Variants in TRIM5 observed in about 807,000 individuals in gnomAD.
TRIM5 encodes tripartite motif-containing protein 5.
Under a neutral mutation model 35.6 loss-of-function variants are expected in TRIM5, and 31 were observed. The ratio of observed to expected loss-of-function variants is 0.87; its 90% CI spans 0.65 to 1.18. TRIM5 has a LOEUF of 1.18. Among genes scored for constraint, TRIM5 ranks in the 50% most tolerant of loss-of-function variants. The pLI is 0.00. For missense variants in TRIM5, 609 were observed against 591.6 expected (o/e 1.03, Z -0.31); for synonymous variants, 243 against 215.6 (o/e 1.13, Z -1.11).
rs111885420 is a variant in TRIM5, at chr11:5,674,054, G to C, written c.744+4150C>G. Among the ~76,000 whole-genome samples, 428 of 151,780 alleles carry C rather than the reference G, an allele frequency of 2.8e-3. 4 individuals carry two copies. The highest frequency in any genetic ancestry group is 0.01 in the African/African-American group (419 of 41,392). ...GATCAGAGCAGAAACGATACAGAAA[G>C]GTTAAAAAAAGATAAAATCAATGCA... is the stretch of plus-strand genomic sequence containing the variant. On this transcript the variant is annotated intron_variant, in intron 4 of 7. Coordinates refer to ENST00000380034, the MANE Select transcript of TRIM5 (RefSeq NM_033034.3).
chr11:5,657,756 C>T, the TRIM5 span, among the ~76,000 whole-genome samples: 1 of 139,868 alleles, frequency 7.1e-6, no homozygotes, highest in Non-Finnish European at 1.5e-5. Flanking sequence ...GCTGGGACTA[C>T]AGGCCTGCAC....
At chr11:5,682,536 TATAG>T (rs1278230327) in intron 1 of TRIM5, among the ~76,000 whole-genome samples, 3 of 152,160 alleles carry the variant, frequency 2.0e-5, no homozygotes, top group Non-Finnish European at 4.4e-5. Context: ...TCCCTTTATG[TATAG>T]ACAAAGTTGC....
At chr11:5,608,273 T>C in the TRIM5 span, 5 of 1,543,732 alleles carry the variant, frequency 3.2e-6, no homozygotes, top group African/African-American at 1.4e-5. Flanking sequence ...GGATTATCTT[T>C]ATTTGTATCA....
At chr11:5,601,217 C>T in the TRIM5 span, among the ~76,000 whole-genome samples, 1 of 152,176 alleles carries the variant, frequency 6.6e-6, no homozygotes, top group Non-Finnish European at 1.5e-5. Context: ...CAGCCTTTAC[C>T]ACTGACTGTC....
intron 4 of TRIM5, among the ~76,000 whole-genome samples, chr11:5,669,496 A>G (rs1483566551): frequency 6.6e-6 from 1 of 151,968 alleles, no homozygotes; most frequent in African/African-American, 2.4e-5. Flanking sequence ...GCCAGACACA[A>G]TTTTTCCACA....
At chr11:5,595,840 G>A in the TRIM5 span, among the ~76,000 whole-genome samples, 1 of 151,754 alleles carries the variant, frequency 6.6e-6, no homozygotes, top group African/African-American at 2.4e-5. Flanking sequence ...CCACAGGCGC[G>A]CCCAGCTAAT....
chr11:5,645,897 C>G, the TRIM5 span: 1 of 145,162 alleles, frequency 6.9e-6, no homozygotes, highest in African/African-American at 3.1e-5. Flanking sequence ...ATATATATAT[C>G]TATATATAGA....
chr11:5,645,908 T>TCC, the TRIM5 span: 2 of 138,150 alleles, frequency 1.4e-5, no homozygotes, highest in Non-Finnish European at 2.6e-5. Flanking sequence ...TATATATAGA[T>TCC]ATATATAGAT....
chr11:5,593,846 C>T, the TRIM5 span, among the ~76,000 whole-genome samples: 3 of 152,184 alleles, frequency 2.0e-5, no homozygotes, highest in Admixed American at 1.3e-4. Context: ...TCTGTGCCCT[C>T]TTTACCTTCA....
the TRIM5 span, among the ~76,000 whole-genome samples, chr11:5,607,879 T>G: frequency 4.1e-4 from 62 of 152,300 alleles, no homozygotes; most frequent in Middle Eastern, 3.4e-3. Flanking sequence ...AAGTACAGAT[T>G]TGAGAATCAT....
the TRIM5 span, chr11:5,596,671 C>A: frequency 1.6e-6 from 1 of 621,960 alleles, no homozygotes; most frequent in East Asian, 3.1e-5. Context: ...CCGCAAACTC[C>A]TGACCTGTGG....
the TRIM5 span, among the ~76,000 whole-genome samples, chr11:5,624,588 G>A: frequency 6.6e-6 from 1 of 152,204 alleles, no homozygotes; most frequent in Non-Finnish European, 1.5e-5. Flanking sequence ...GGCAGGGAAG[G>A]TTAAAACAGG....
At chr11:5,650,508 T>C in the TRIM5 span, among the ~76,000 whole-genome samples, 1 of 152,216 alleles carries the variant, frequency 6.6e-6, no homozygotes, top group Admixed American at 6.5e-5. Context: ...TTTTTCTTTC[T>C]TCATCAACTG....
chr11:5,595,927 C>A, the TRIM5 span, among the ~76,000 whole-genome samples: 14 of 152,198 alleles, frequency 9.2e-5, no homozygotes, highest in African/African-American at 3.1e-4. Flanking sequence ...GTTATCCGCC[C>A]GCCTCGGCCT....
the TRIM5 span, among the ~76,000 whole-genome samples, chr11:5,654,739 G>A: frequency 2.0e-5 from 3 of 152,158 alleles, no homozygotes; most frequent in Non-Finnish European, 4.4e-5. Context: ...CACATGCATT[G>A]AGGTAAGTAT....
rs200633445 is a variant in TRIM5 at position 5,665,465 on chromosome 11, A to G, written c.896-70T>C. ...TATTTGTGATATGAGAGAAATCTTG[A>G]TAAAGACTTGAGAGAAAACTGGGAG... On this transcript the variant is annotated intron_variant, in intron 7 of 7. Coordinates refer to ENST00000380034, the MANE Select transcript of TRIM5 (RefSeq NM_033034.3). 1,013 of 1,543,836 alleles carry G rather than the reference A, an allele frequency of 6.6e-4. 4 individuals carry two copies. In the African/African-American group the frequency reaches 9.6e-3, roughly 15 times the overall value.
chr11:5,655,508 G>T, the TRIM5 span: 1 of 363,462 alleles, frequency 2.8e-6, no homozygotes, highest in Non-Finnish European at 3.8e-6. Flanking sequence ...TATAAGCCAG[G>T]ATTAGTTTAT....
At chr11:5,605,662 G>C in the TRIM5 span, 1 of 1,422,578 alleles carries the variant, frequency 7.0e-7, no homozygotes, top group African/African-American at 1.4e-5. Context: ...TCGTTGCAGG[G>C]ACAAGAGAAA....
chr11:5,589,406 T>C, the TRIM5 span: 2 of 152,152 alleles, frequency 1.3e-5, no homozygotes, highest in African/African-American at 2.4e-5. Flanking sequence ...TTGTCTCAAA[T>C]AGACATGTAT....
Sources: gnomAD v4.1 joint callset for allele counts (sites outside exome capture counted in the v4.1 genomes callset) on GRCh38, gnomAD v4.1.1 for gene constraint, MANE v1.5 for transcripts, NCBI Gene and HGNC (gene_info 2026-07-23, HGNC 2026-07-21) for gene names.